ANO2: variants seen among roughly 807,000 people sequenced by gnomAD.
ANO2 encodes the protein anoctamin-2.
In ANO2, 101 loss-of-function variants were observed where a neutral mutation model predicts 124.2. The observed-to-expected ratio is 0.81, with a 90% CI of 0.69 to 0.96. ANO2 has a LOEUF of 0.96. Ranked by LOEUF, ANO2 falls within the 40% of genes least tolerant of loss-of-function variation. The pLI is 0.00. For missense variants in ANO2, 1,293 were observed against 1,274.5 expected, an observed-to-expected ratio of 1.01 and a Z score of -0.22; for synonymous variants, 486 against 482.5, an observed-to-expected ratio of 1.01 and a Z score of -0.09.
intron 3 of ANO2, among the ~76,000 whole-genome samples, chr12:5,920,692 C>A (rs1297125462): frequency 6.6e-6 from 1 of 152,078 alleles, no homozygotes; most frequent in East Asian, 1.9e-4. Flanking sequence ...GGTGAAACCC[C>A]GTCTCTACTA....
chr12:5,807,429 C>G lies in ANO2; in HGVS notation c.893-61G>C, dbSNP rs946316594. On this transcript the variant is annotated intron_variant, in intron 7 of 24. Coordinates refer to ENST00000682330, the MANE Select transcript of ANO2 (RefSeq NM_001364791.2). ...GGGCAAGCGTTTCTCAACTTAACCC[C>G]TGTTTTTTGATAAATAAGCTTTCAC... 23 of 1,436,890 alleles carry G rather than the reference C, an allele frequency of 1.6e-5. No individual in the cohort carries two copies. In the African/African-American group the frequency reaches 2.4e-4, roughly 15 times the overall value. 89.0% of individuals were successfully genotyped at this position (1,436,890 alleles called of 1,614,324 possible).
chr12:5,944,096 T>C (rs1363731159), intron 1 of ANO2, among the ~76,000 whole-genome samples: 1 of 152,144 alleles, frequency 6.6e-6, no homozygotes, highest in African/African-American at 2.4e-5. Flanking sequence ...GCTCCGGAAA[T>C]GACGGGTGCA....
intron 4 of ANO2, among the ~76,000 whole-genome samples, chr12:5,836,499 C>A (rs2137225711): frequency 6.6e-6 from 1 of 152,286 alleles, no homozygotes. Flanking sequence ...TACACTGGAG[C>A]CCAAGTGAGG....
chr12:5,732,165 C>T (rs1427889931), intron 14 of ANO2, among the ~76,000 whole-genome samples: 11 of 152,088 alleles, frequency 7.2e-5, no homozygotes, highest in African/African-American at 1.4e-4. Context: ...ATAGAGCAAG[C>T]GTTCGATAAG....
chr12:5,583,328 C>T (rs1484519388), intron 20 of ANO2, among the ~76,000 whole-genome samples: 1 of 152,136 alleles, frequency 6.6e-6, no homozygotes, highest in African/African-American at 2.4e-5. Flanking sequence ...TAGGAGAGTC[C>T]AATTCTAATG....
intron 3 of ANO2, among the ~76,000 whole-genome samples, chr12:5,903,647 A>G (rs898635101): frequency 4.7e-5 from 7 of 148,450 alleles, no homozygotes; most frequent in African/African-American, 1.3e-4. Context: ...ATGTGCAAAG[A>G]TGTGTGTGTG....
Position 5,635,122 on chromosome 12 carries a change from G to C in ANO2, c.1816+30C>G. On this transcript the variant is annotated intron_variant, in intron 16 of 24. Transcript: ENST00000682330. The surrounding 1 kb of genome is among the most constrained non-coding windows in gnomAD (Gnocchi z 5.2). ...CACGCATTGACTTAAAGAGGGCCTA[G>C]GACAGCCAGAAGTCTCGGTGACACA... The C allele has an allele frequency of 6.5e-7, 1 of 1,533,278 alleles. No individual in the cohort carries two copies. The highest frequency in any genetic ancestry group is 8.7e-7 in the Non-Finnish European group (1 of 1,146,148). 95.0% of individuals were successfully genotyped at this position (1,533,278 alleles called of 1,614,324 possible).
At chr12:5,750,210 C>T (rs578045065) in intron 11 of ANO2, among the ~76,000 whole-genome samples, 2 of 152,238 alleles carry the variant, frequency 1.3e-5, no homozygotes, top group East Asian at 1.9e-4. Context: ...ACTGGGATTA[C>T]AGGTGTGAGC....
intron 20 of ANO2, among the ~76,000 whole-genome samples, chr12:5,581,164 C>G (rs1942733660): frequency 6.6e-6 from 1 of 152,110 alleles, no homozygotes; most frequent in Non-Finnish European, 1.5e-5. Flanking sequence ...ATTCTAAAAC[C>G]TGTAAAATGC....
chr12:5,873,764 C>T (rs948742456), intron 3 of ANO2, among the ~76,000 whole-genome samples: 11 of 152,224 alleles, frequency 7.2e-5, no homozygotes, highest in African/African-American at 2.4e-4. Flanking sequence ...TTGAAAGAAG[C>T]TCTTTGTGCA....
At chr12:5,788,143 G>A (rs1032196610) in intron 10 of ANO2, among the ~76,000 whole-genome samples, 2 of 152,144 alleles carry the variant, frequency 1.3e-5, no homozygotes, top group African/African-American at 4.8e-5. Flanking sequence ...ATGTGTCCCA[G>A]AAGCTGTTGA....
At chr12:5,810,609 GAGA>G (rs1424777011) in intron 7 of ANO2, among the ~76,000 whole-genome samples, 1 of 152,166 alleles carries the variant, frequency 6.6e-6, no homozygotes, top group Non-Finnish European at 1.5e-5. Context: ...GGGAGACAGT[GAGA>G]AGAAGAAAGT....
chr12:5,618,313 C>T (rs1199273027), intron 16 of ANO2, among the ~76,000 whole-genome samples: 1 of 152,214 alleles, frequency 6.6e-6, no homozygotes, highest in Non-Finnish European at 1.5e-5. Context: ...GAGGAACCAT[C>T]TGAAGGTCAC....
intron 3 of ANO2, among the ~76,000 whole-genome samples, chr12:5,881,209 C>A (rs1379408768): frequency 2.0e-5 from 3 of 152,298 alleles, no homozygotes; most frequent in Non-Finnish European, 4.4e-5. Flanking sequence ...ATCTATCCCC[C>A]TCTCTGTGGC....
At chr12:5,840,788 C>T (rs1030286539) in intron 4 of ANO2, among the ~76,000 whole-genome samples, 22 of 152,122 alleles carry the variant, frequency 1.4e-4, no homozygotes, top group Admixed American at 9.2e-4. Flanking sequence ...ACCCATCGTC[C>T]GCCTCTTTTT....
intron 20 of ANO2, among the ~76,000 whole-genome samples, chr12:5,598,307 T>C (rs1175387227): frequency 6.6e-6 from 1 of 152,222 alleles, no homozygotes. Flanking sequence ...ATCTTATTGA[T>C]GGTTCCCCAT....
chr12:5,691,353 A>G (rs964283938), intron 14 of ANO2, among the ~76,000 whole-genome samples: 1 of 149,860 alleles, frequency 6.7e-6, no homozygotes, highest in Non-Finnish European at 1.5e-5. Flanking sequence ...AAAAAGAAGA[A>G]GAAGAAGAAA....
chr12:5,695,375 T>TAAAAAAA (rs78967769), intron 14 of ANO2, among the ~76,000 whole-genome samples: 1 of 127,822 alleles, frequency 7.8e-6, no homozygotes, highest in Admixed American at 7.9e-5. Context: ...ACATGGAACT[T>TAAAAAAA]AAAAAAAAAA....
intron 23 of ANO2, among the ~76,000 whole-genome samples, chr12:5,571,403 C>T (rs1476611014): frequency 2.6e-5 from 4 of 152,202 alleles, no homozygotes; most frequent in African/African-American, 7.2e-5. Context: ...AACGGGCAGC[C>T]GGAGACTTGT....
Sources: allele counts gnomAD v4.1 joint callset (sites outside exome capture counted in the v4.1 genomes callset), GRCh38; gene constraint gnomAD v4.1.1; non-coding constraint Gnocchi (gnomAD v3.1); transcripts MANE v1.5; gene names NCBI Gene and HGNC (gene_info 2026-07-23, HGNC 2026-07-21).